TTC28: variants seen among roughly 807,000 people sequenced by gnomAD.
TTC28 encodes the protein tetratricopeptide repeat domain 28.
In TTC28, 61 loss-of-function variants were observed where a neutral mutation model predicts 198.0. The observed-to-expected ratio is 0.31, with a 90% CI of 0.25 to 0.38. TTC28 has a LOEUF of 0.38. TTC28 is among the 10% of genes least tolerant of loss of function. TTC28 has a pLI of 1.00. For synonymous variants in TTC28, 1,171 were observed against 1,297.8 expected (o/e 0.90, Z 2.10); for missense variants, 2,678 against 3,164.0 (o/e 0.85, Z 3.69).
At chr22:28,381,801 G>A (rs2046500808) in intron 2 of TTC28, among the ~76,000 whole-genome samples, 1 of 151,676 alleles carries the variant, frequency 6.6e-6, no homozygotes, top group South Asian at 2.1e-4. Context: ...AGATTTAAAG[G>A]GTATTTTTTC....
chr22:28,107,762 C>G lies in TTC28; in HGVS notation c.2083G>C (p.Glu695Gln), dbSNP rs186634136. 8 of 1,552,030 alleles carry G rather than the reference C, an allele frequency of 5.2e-6. No homozygotes were observed. Among genetic ancestry groups the G allele is most frequent in the Middle Eastern group, 1.7e-4 (1 of 5,994 alleles). Residue 695 changes from glutamate (E) to glutamine (Q), a missense_variant, in exon 7 of 23, where the codon GAG (glutamate) becomes CAG (glutamine). Glu to Gln is a conservative substitution (Grantham distance 29). Coordinates refer to ENST00000397906, the MANE Select transcript of TTC28 (RefSeq NM_001145418.2). ...KALLNFSKAE[E>Q]CQKYLLSLAQ... ...AGGGACAGTAGGTACTTCTGACACT[C>G]TTCAGCTTTACTGAAATTCAGCAGA...
intron 2 of TTC28, among the ~76,000 whole-genome samples, chr22:28,453,351 C>A (rs1005151439): frequency 3.3e-5 from 5 of 152,072 alleles, no homozygotes; most frequent in African/African-American, 9.7e-5. Context: ...ATAATTATTC[C>A]TCAAAGACCT....
chr22:28,175,101 T>C (rs1923038299), intron 5 of TTC28, among the ~76,000 whole-genome samples: 1 of 151,040 alleles, frequency 6.6e-6, no homozygotes, highest in African/African-American at 2.4e-5. Flanking sequence ...TCTCACCATA[T>C]ACAAAAATCA....
intron 2 of TTC28, among the ~76,000 whole-genome samples, chr22:28,425,731 G>A (rs2047340088): frequency 6.6e-6 from 1 of 152,182 alleles, no homozygotes; most frequent in Non-Finnish European, 1.5e-5. Context: ...AGAGGCTTGG[G>A]CAAGGCCTTG....
At chr22:28,197,432 TAAA>T (rs1162368464) in intron 5 of TTC28, among the ~76,000 whole-genome samples, 1 of 150,534 alleles carries the variant, frequency 6.6e-6, no homozygotes, top group East Asian at 1.9e-4. Flanking sequence ...ATAATAATAA[TAAA>T]AAAAGGAATA....
intron 5 of TTC28, among the ~76,000 whole-genome samples, chr22:28,171,463 C>T (rs560325492): frequency 7.2e-5 from 11 of 152,122 alleles, no homozygotes; most frequent in Non-Finnish European, 1.2e-4. Flanking sequence ...CATTTCTTTA[C>T]GAAATGTGTT....
intron 12 of TTC28, among the ~76,000 whole-genome samples, chr22:28,040,098 G>C (rs1269212981): frequency 6.6e-6 from 1 of 152,128 alleles, no homozygotes; most frequent in Non-Finnish European, 1.5e-5. Flanking sequence ...ATAACCCATA[G>C]CCTACCAAAC....
Position 28,099,002 on chromosome 22 carries a change from C to G in TTC28, c.3460G>C (p.Ala1154Pro), listed in dbSNP as rs1282624370. ...SALFETIRHEAQLSTDYKLSL... is the reference protein window; with the variant it reads ...SALFETIRHEPQLSTDYKLSL... The stretch of plus-strand genomic sequence containing the variant: ...AGTTTGTAGTCCGTGCTCAGCTGTG[C>G]CTCATGTCGGATTGTTTCAAACAAG... The change falls in exon 10 of 23, where the codon GCA (alanine) becomes CCA (proline). Residue 1154 changes from alanine (A) to proline (P), a missense_variant. By Grantham distance (27) the Ala-to-Pro change is conservative. Transcript: ENST00000397906. 6.4e-7 allele frequency: 1 copy of G among 1,551,938 alleles called. No homozygotes were observed.
intron 5 of TTC28, among the ~76,000 whole-genome samples, chr22:28,243,095 T>C (rs1929778746): frequency 2.1e-5 from 3 of 141,706 alleles, no homozygotes; most frequent in South Asian, 2.3e-4. Context: ...CCCAACACTT[T>C]GGGAGGTCAA....
At chr22:28,049,323 C>T (rs1430206666) in intron 12 of TTC28, among the ~76,000 whole-genome samples, 1 of 152,164 alleles carries the variant, frequency 6.6e-6, no homozygotes, top group Non-Finnish European at 1.5e-5. Context: ...CCAAGTCAGT[C>T]ACTGGAAAAA....
chr22:28,176,148 T>C (rs1255503940), intron 5 of TTC28, among the ~76,000 whole-genome samples: 2 of 152,188 alleles, frequency 1.3e-5, no homozygotes, highest in African/African-American at 2.4e-5. Context: ...ATGGCCAAGA[T>C]AGGGAATCAA....
chr22:28,065,555 T>A (rs1016576), intron 12 of TTC28, among the ~76,000 whole-genome samples: 38 of 152,288 alleles, frequency 2.5e-4, no homozygotes, highest in Non-Finnish European at 3.2e-4. Context: ...AGAAAACATG[T>A]TTTCTATGGT....
chr22:28,346,175 C>T (rs143661352), intron 2 of TTC28, among the ~76,000 whole-genome samples: 1 of 152,074 alleles, frequency 6.6e-6, no homozygotes, highest in African/African-American at 2.4e-5. Flanking sequence ...TTGCCCAAGG[C>T]CATAAGGTAG....
intron 5 of TTC28, among the ~76,000 whole-genome samples, chr22:28,242,643 G>GT (rs1326019689): frequency 1.3e-5 from 2 of 151,968 alleles, no homozygotes; most frequent in Non-Finnish European, 2.9e-5. Context: ...TTGGGTCAGT[G>GT]TTTTTTTATG....
intron 5 of TTC28, among the ~76,000 whole-genome samples, chr22:28,272,960 C>T (rs1242104626): frequency 6.6e-6 from 1 of 152,180 alleles, no homozygotes; most frequent in East Asian, 1.9e-4. Context: ...AAGTTATTGA[C>T]CTTCGCATGG....
rs1432538821 is a variant in TTC28 at position 28,129,144 on chromosome 22, A to T, written c.1442-20741T>A. Among the ~76,000 whole-genome samples the T allele has an allele frequency of 2.6e-5, 4 of 152,170 alleles. No homozygotes were observed. The East Asian group carries it at 7.7e-4, about 29-fold the overall frequency. ...TACGCCACTACTCCCAATGACAGCA[A>T]TCTCAAAGTTTACCCATATAATAAG... On this transcript the variant is annotated intron_variant, in intron 6 of 22. Transcript: ENST00000397906.
At chr22:28,371,335 C>A (rs1340218505) in intron 2 of TTC28, among the ~76,000 whole-genome samples, 6 of 149,064 alleles carry the variant, frequency 4.0e-5, no homozygotes, top group Non-Finnish European at 8.9e-5. Flanking sequence ...CATGGCAAAA[C>A]CCCAGTACTA....
intron 2 of TTC28, among the ~76,000 whole-genome samples, chr22:28,586,251 C>G (rs996032845): frequency 2.7e-5 from 4 of 150,876 alleles, no homozygotes; most frequent in Admixed American, 1.3e-4. Context: ...TACATTCCAG[C>G]CTGGGCAACT....
At chr22:28,536,261 A>G (rs955595934) in intron 2 of TTC28, among the ~76,000 whole-genome samples, 2 of 151,766 alleles carry the variant, frequency 1.3e-5, no homozygotes, top group Non-Finnish European at 2.9e-5. Context: ...TAACAACAAA[A>G]AAAGATTAAT....
Sources: allele counts gnomAD v4.1 joint callset (sites outside exome capture counted in the v4.1 genomes callset), GRCh38; gene constraint gnomAD v4.1.1; transcripts MANE v1.5; gene names NCBI Gene and HGNC (gene_info 2026-07-23, HGNC 2026-07-21).